STAG1: variants seen among roughly 807,000 people sequenced by gnomAD.
The protein encoded by STAG1 is cohesin subunit SA-1.
STAG1 carries 26 observed loss-of-function variants against 170.9 expected under a neutral mutation model. The ratio of observed to expected loss-of-function variants is 0.15; its 90% CI spans 0.11 to 0.21. STAG1 has a LOEUF of 0.21. STAG1 is among the 10% of genes least tolerant of loss of function. The probability of loss-of-function intolerance (pLI) is 1.00; values close to 1 mark genes in which losing one functional copy is unlikely to be tolerated. For missense variants in STAG1, 964 were observed against 1,509.5 expected, an observed-to-expected ratio of 0.64 and a Z score of 5.99; for synonymous variants, 514 against 497.7, an observed-to-expected ratio of 1.03 and a Z score of -0.44.
At chr3:136,475,463 G>C (rs1433020034) in intron 10 of STAG1, among the ~76,000 whole-genome samples, 2 of 152,066 alleles carry the variant, frequency 1.3e-5, no homozygotes, top group Non-Finnish European at 2.9e-5. Flanking sequence ...TTACTCTTGA[G>C]AGTACAAACC....
intron 29 of STAG1, among the ~76,000 whole-genome samples, chr3:136,344,259 C>T (rs186725407): frequency 6.6e-6 from 1 of 152,290 alleles, no homozygotes; most frequent in Admixed American, 6.5e-5. Flanking sequence ...TATGTAACCA[C>T]TGAATGTTAG....
chr3:136,513,154 G>A (rs937930970), intron 7 of STAG1, among the ~76,000 whole-genome samples: 14 of 152,042 alleles, frequency 9.2e-5, no homozygotes, highest in Non-Finnish European at 1.6e-4. Flanking sequence ...TCAGGAGTTC[G>A]AGACCAACTG....
chr3:136,641,316 G>A (rs1178081649), intron 1 of STAG1, among the ~76,000 whole-genome samples: 2 of 151,948 alleles, frequency 1.3e-5, no homozygotes, highest in East Asian at 1.9e-4. Context: ...TTTTTAAAAC[G>A]TATTAAAAGA....
intron 9 of STAG1, among the ~76,000 whole-genome samples, chr3:136,495,897 A>G (rs1451951487): frequency 6.8e-6 from 1 of 146,172 alleles, no homozygotes; most frequent in Non-Finnish European, 1.5e-5. Flanking sequence ...TGAACCTGGG[A>G]GGCGGAGCTT....
intron 1 of STAG1, among the ~76,000 whole-genome samples, chr3:136,679,050 G>A (rs1450397902): frequency 6.7e-6 from 1 of 148,858 alleles, no homozygotes; most frequent in African/African-American, 2.5e-5. Context: ...TCAAACTTAT[G>A]CCTGCCCAAG....
intron 23 of STAG1, among the ~76,000 whole-genome samples, chr3:136,373,545 T>C (rs990451073): frequency 1.3e-5 from 2 of 152,314 alleles, no homozygotes; most frequent in South Asian, 4.1e-4. Flanking sequence ...TCTGGTATGT[T>C]GTGTCTTTGT....
chr3:136,475,138 C>CTTTTTT (rs10686674), intron 10 of STAG1, among the ~76,000 whole-genome samples: 22 of 76,028 alleles, frequency 2.9e-4, no homozygotes, highest in South Asian at 6.3e-4. Flanking sequence ...TTATAGGTTC[C>CTTTTTT]TTTTTTTTTT....
At chr3:136,353,309 T>TA (rs1201673988) in intron 28 of STAG1, among the ~76,000 whole-genome samples, 1 of 152,170 alleles carries the variant, frequency 6.6e-6, no homozygotes, top group Non-Finnish European at 1.5e-5. Context: ...AAATAATGGC[T>TA]AAAAACTTGC....
rs140989476 is a variant in STAG1 at position 136,463,735 on chromosome 3, ATGTGTGTGTGTGTG to A, written c.1313+1132_1313+1145del. Among the ~76,000 whole-genome samples, 4 of 101,204 alleles carry A rather than the reference ATGTGTGTGTGTGTG, an allele frequency of 4.0e-5. 1 individual carries two copies. The highest frequency in any genetic ancestry group is 7.5e-4 in the South Asian group (2 of 2,666). The allele number at this position is 101,204 out of a possible 152,430, so 66.4% of individuals were successfully genotyped here. A position where few individuals can be genotyped will look rare whatever the true frequency, so the allele number is the denominator to read the frequency against. ...TCTCTAAAAAAAAAAAAATGTGTAT[ATGTGTGTGTGTGTG>A]TGTGTGTGTGTGTGTGTGTATACAC... On this transcript the variant is annotated intron_variant, in intron 13 of 33. Transcript: ENST00000383202.
At chr3:136,629,948 C>G (rs1324595645) in intron 2 of STAG1, among the ~76,000 whole-genome samples, 1 of 152,230 alleles carries the variant, frequency 6.6e-6, no homozygotes, top group South Asian at 2.1e-4. Context: ...GTAATCCCGG[C>G]ACTTTGGGAG....
chr3:136,517,540 T>G (rs147810667), intron 7 of STAG1, among the ~76,000 whole-genome samples: 1 of 152,116 alleles, frequency 6.6e-6, no homozygotes, highest in Non-Finnish European at 1.5e-5. Flanking sequence ...TGAAAAGCAA[T>G]TCTTTGAGAG....
intron 7 of STAG1, among the ~76,000 whole-genome samples, chr3:136,507,037 C>T (rs183370859): frequency 1.3e-5 from 2 of 152,292 alleles, no homozygotes; most frequent in East Asian, 1.9e-4. Flanking sequence ...CATACTTATT[C>T]ATTTACAACT....
chr3:136,394,318 A>C (rs2087091359), intron 22 of STAG1, among the ~76,000 whole-genome samples: 1 of 152,362 alleles, frequency 6.6e-6, no homozygotes, highest in Non-Finnish European at 1.5e-5. Context: ...ATGACTACTG[A>C]ATATACCCTG....
At chr3:136,718,068 T>TA (rs993466063) in intron 1 of STAG1, among the ~76,000 whole-genome samples, 2 of 152,152 alleles carry the variant, frequency 1.3e-5, no homozygotes, top group African/African-American at 4.8e-5. Context: ...GTATTTACTG[T>TA]AAAAAACCAC....
chr3:136,594,654 A>G (rs963830659), intron 4 of STAG1, among the ~76,000 whole-genome samples: 1 of 152,186 alleles, frequency 6.6e-6, no homozygotes, highest in Non-Finnish European at 1.5e-5. Context: ...GGTATAAACT[A>G]TTTCTTCTTC....
At chr3:136,573,126 C>G (rs1465891111) in intron 4 of STAG1, among the ~76,000 whole-genome samples, 1 of 151,416 alleles carries the variant, frequency 6.6e-6, no homozygotes, top group Non-Finnish European at 1.5e-5. Flanking sequence ...TTGCAATGAA[C>G]TGTGATCTTC....
chr3:136,477,541 C>CTTAA, intron 9 of STAG1, 129 bp from the exon 10 acceptor site: 1 of 703,492 alleles, frequency 1.4e-6, no homozygotes, highest in East Asian at 2.9e-5. Context: ...TGGCCTCCAA[C>CTTAA]TTAAGTATCT....
chr3:136,527,013 G>T (rs1197629186), intron 6 of STAG1, among the ~76,000 whole-genome samples: 1 of 152,096 alleles, frequency 6.6e-6, no homozygotes, highest in Non-Finnish European at 1.5e-5. Flanking sequence ...TTTCACTCTG[G>T]CTGCCCTTAA....
chr3:136,392,765 C>CAA lies in STAG1; in HGVS notation c.2277+5982_2277+5983dup, dbSNP rs71157377. 1.9e-4 allele frequency among the ~76,000 whole-genome samples: 18 copies of CAA among 93,552 alleles called. 1 individual carries two copies. Among genetic ancestry groups the CAA allele is most frequent in the South Asian group, 3.6e-4 (1 of 2,754 alleles). 61.4% of individuals were successfully genotyped at this position (93,552 alleles called of 152,430 possible). ...TGGGTGACAGAGCCAGGCTCCGTCT[C>CAA]AAAAAAAAAAAAAAAAAAAAGAAAA... is the stretch of plus-strand genomic sequence containing the variant. On this transcript the variant is annotated intron_variant, in intron 22 of 33. Coordinates refer to ENST00000383202, the MANE Select transcript of STAG1 (RefSeq NM_005862.3).
Sources: allele counts gnomAD v4.1 joint callset (sites outside exome capture counted in the v4.1 genomes callset), GRCh38; gene constraint gnomAD v4.1.1; transcripts MANE v1.5; gene names NCBI Gene and HGNC (gene_info 2026-07-23, HGNC 2026-07-21).